Variants in DSCAM observed in about 807,000 individuals in gnomAD.
The protein encoded by DSCAM is cell adhesion molecule DSCAM.
Under a neutral mutation model 217.7 loss-of-function variants are expected in DSCAM, and 47 were observed. The ratio of observed to expected loss-of-function variants is 0.22; its 90% CI spans 0.17 to 0.28. The LOEUF (loss-of-function observed/expected upper bound fraction) is 0.28. Ranked by LOEUF, DSCAM falls within the 10% of genes least tolerant of loss-of-function variation. The probability of loss-of-function intolerance (pLI) is 1.00; values close to 1 mark genes in which losing one functional copy is unlikely to be tolerated. For synonymous variants in DSCAM, 1,056 were observed against 1,015.3 expected (o/e 1.04, Z -0.76); for missense variants, 2,080 against 2,618.3 (o/e 0.79, Z 4.49).
chr21:40,788,440 A>T (rs1254502537), intron 1 of DSCAM, among the ~76,000 whole-genome samples: 1 of 152,188 alleles, frequency 6.6e-6, no homozygotes, highest in Non-Finnish European at 1.5e-5. Flanking sequence ...TAGAGGAAGT[A>T]CTGTATCTCA....
intron 3 of DSCAM, among the ~76,000 whole-genome samples, chr21:40,432,887 A>G (rs1367589112): frequency 1.3e-5 from 2 of 152,130 alleles, no homozygotes; most frequent in Non-Finnish European, 2.9e-5. Context: ...CACCTGGGGA[A>G]GTCTGAGCCT....
At chr21:40,526,619 T>G (rs1219033917) in intron 3 of DSCAM, among the ~76,000 whole-genome samples, 1 of 152,038 alleles carries the variant, frequency 6.6e-6, no homozygotes, top group African/African-American at 2.4e-5. Flanking sequence ...CGAGGTAACT[T>G]CGGGCTGGCC....
chr21:40,684,429 G>A (rs566387123), intron 3 of DSCAM, among the ~76,000 whole-genome samples: 3 of 152,220 alleles, frequency 2.0e-5, no homozygotes, highest in South Asian at 2.1e-4. Flanking sequence ...TGCTCAGAAG[G>A]ACAGCCACAA....
intron 2 of DSCAM, among the ~76,000 whole-genome samples, chr21:40,698,518 T>TTACCTGCTC (rs2090618902): frequency 6.6e-6 from 1 of 152,148 alleles, no homozygotes; most frequent in African/African-American, 2.4e-5. Flanking sequence ...AGGCAATAAA[T>TTACCTGCTC]TACCTGCTCT....
intron 3 of DSCAM, among the ~76,000 whole-genome samples, chr21:40,582,880 C>T (rs1222055035): frequency 6.6e-6 from 1 of 152,040 alleles, no homozygotes; most frequent in Non-Finnish European, 1.5e-5. Context: ...TGGGAACTGT[C>T]CTTTGGTAAA....
chr21:40,167,342 G>A (rs923496479), intron 15 of DSCAM, 54 bp from the exon 16 acceptor site: 36 of 1,545,734 alleles, frequency 2.3e-5, no homozygotes, highest in Admixed American at 6.7e-5. Context: ...GGAGCAGATC[G>A]AAGCCTACAC....
At chr21:40,400,103 C>A (rs767437972) in intron 3 of DSCAM, among the ~76,000 whole-genome samples, 2 of 152,138 alleles carry the variant, frequency 1.3e-5, no homozygotes, top group South Asian at 2.1e-4. Flanking sequence ...TCCGGGAGCA[C>A]CTTCCTCCCG....
rs142613443 is a variant in DSCAM, at chr21:40,445,345, T to C, written c.509-76100A>G. Among the ~76,000 whole-genome samples, 447 of 152,326 alleles carry C rather than the reference T, an allele frequency of 2.9e-3. 3 individuals are homozygous for C. The highest frequency in any genetic ancestry group is 0.01 in the African/African-American group (425 of 41,566). ...GGTGACTCAGTTCACTCTGGGATAA[T>C]GCAACATTGGTTCTGTTCTGTTGGA... On this transcript the variant is annotated intron_variant, in intron 3 of 32. Transcript: ENST00000400454.
At chr21:40,846,597 CA>C in intron 1 of DSCAM, 21 bp downstream of exon 1, 1 of 1,161,358 alleles carries the variant, frequency 8.6e-7, no homozygotes, top group Non-Finnish European at 1.1e-6. Flanking sequence ...AAACGAAATT[CA>C]TCACAAACCG....
At chr21:40,563,207 C>T (rs1234555790) in intron 3 of DSCAM, among the ~76,000 whole-genome samples, 2 of 150,726 alleles carry the variant, frequency 1.3e-5, no homozygotes, top group African/African-American at 5.0e-5. Context: ...AGGACTCTCT[C>T]ATTTTTTTTA....
chr21:40,326,248 A>G (rs2074315647), intron 8 of DSCAM, among the ~76,000 whole-genome samples: 1 of 152,144 alleles, frequency 6.6e-6, no homozygotes, highest in South Asian at 2.1e-4. Flanking sequence ...AACAAAATTC[A>G]CCATTGGGAT....
chr21:40,591,461 A>G (rs2076983903), intron 3 of DSCAM, among the ~76,000 whole-genome samples: 1 of 152,228 alleles, frequency 6.6e-6, no homozygotes. Flanking sequence ...CCTCCTTACC[A>G]TTCGATATAA....
chr21:40,372,646 GT>G (rs1762355102), intron 3 of DSCAM, among the ~76,000 whole-genome samples: 1 of 152,166 alleles, frequency 6.6e-6, no homozygotes. Flanking sequence ...CTCTGAGCTT[GT>G]CTTTATTAGC....
At chr21:40,274,791 A>G (rs566749915) in intron 11 of DSCAM, among the ~76,000 whole-genome samples, 73 of 152,336 alleles carry the variant, frequency 4.8e-4, no homozygotes, top group African/African-American at 1.7e-3. Flanking sequence ...CCATTTCACA[A>G]TATAAAACTT....
intron 3 of DSCAM, among the ~76,000 whole-genome samples, chr21:40,459,802 A>G (rs575594273): frequency 6.8e-6 from 1 of 147,782 alleles, no homozygotes; most frequent in Admixed American, 6.8e-5. Context: ...ATTTTAAAGA[A>G]AACCTGCCCC....
At chr21:40,823,704 A>G (rs2091947327) in intron 1 of DSCAM, among the ~76,000 whole-genome samples, 1 of 152,232 alleles carries the variant, frequency 6.6e-6, no homozygotes, top group Non-Finnish European at 1.5e-5. Context: ...ACATTTTTGT[A>G]TACTTTAATT....
At chr21:40,160,584 G>C in intron 16 of DSCAM, among the ~76,000 whole-genome samples, 1 of 152,132 alleles carries the variant, frequency 6.6e-6, no homozygotes, top group Admixed American at 6.5e-5. Flanking sequence ...TTTTGACCTA[G>C]TGTCACAACT....
chr21:40,635,251 T>G (rs1327093369), intron 3 of DSCAM, among the ~76,000 whole-genome samples: 1 of 151,926 alleles, frequency 6.6e-6, no homozygotes, highest in Non-Finnish European at 1.5e-5. Flanking sequence ...GCAGACAGCC[T>G]GGAGGGAGGG....
At chr21:40,636,595 T>A (rs571227113) in intron 3 of DSCAM, among the ~76,000 whole-genome samples, 1 of 151,918 alleles carries the variant, frequency 6.6e-6, no homozygotes, top group Admixed American at 6.6e-5. Flanking sequence ...CCCTCTAACA[T>A]AGAAAAATAT....
Sources: gnomAD v4.1 joint callset for allele counts (sites outside exome capture counted in the v4.1 genomes callset) on GRCh38, gnomAD v4.1.1 for gene constraint, MANE v1.5 for transcripts, NCBI Gene and HGNC (gene_info 2026-07-23, HGNC 2026-07-21) for gene names.